The following CFAP221 variants were observed in gnomAD, a reference collection of about 807,000 sequenced individuals.
The protein encoded by CFAP221 is cilia and flagella associated protein 221, also known as cilia- and flagella-associated protein 221.
CFAP221 carries 97 observed loss-of-function variants against 113.1 expected under a neutral mutation model. The ratio of observed to expected loss-of-function variants is 0.86; its 90% confidence interval spans 0.73 to 1.02. The LOEUF (loss-of-function observed/expected upper bound fraction) is 1.02. CFAP221 is among the 50% of genes least tolerant of loss of function. The probability of loss-of-function intolerance (pLI) is 0.00; values close to 1 mark genes in which losing one functional copy is unlikely to be tolerated. For synonymous variants in CFAP221, 331 were observed against 354.4 expected, an observed-to-expected ratio of 0.93 and a Z score of 0.74; for missense variants, 1,025 against 1,013.4, an observed-to-expected ratio of 1.01 and a Z score of -0.16.
At chr2:119,642,314 T>C (rs1425306672) in intron 21 of CFAP221, among the ~76,000 whole-genome samples, 2 of 152,204 alleles carry the variant, frequency 1.3e-5, no homozygotes, top group Non-Finnish European at 2.9e-5. Flanking sequence ...GTAATTCCTT[T>C]TTTAAGTTCT....
At chr2:119,588,383 C>A (rs1683363230) in intron 7 of CFAP221, among the ~76,000 whole-genome samples, 1 of 152,146 alleles carries the variant, frequency 6.6e-6, no homozygotes, top group South Asian at 2.1e-4. Context: ...TTGAAATGAG[C>A]TGACATCAGT....
chr2:119,594,792 C>T (rs965017589), intron 7 of CFAP221, among the ~76,000 whole-genome samples: 1 of 152,184 alleles, frequency 6.6e-6, no homozygotes, highest in Non-Finnish European at 1.5e-5. Flanking sequence ...TCATTTAATA[C>T]CCCAGCAACT....
At chr2:119,599,411 A>G (rs529415001) in intron 7 of CFAP221, among the ~76,000 whole-genome samples, 3 of 152,284 alleles carry the variant, frequency 2.0e-5, no homozygotes, top group African/African-American at 7.2e-5. Context: ...GGGTTCATTC[A>G]CTCATTCAAC....
At chr2:119,616,441 T>A (rs1220411358) in intron 14 of CFAP221, among the ~76,000 whole-genome samples, 1 of 152,224 alleles carries the variant, frequency 6.6e-6, no homozygotes, top group East Asian at 1.9e-4. Context: ...CAATTGAGAA[T>A]GTCTGAGGGA....
intron 18 of CFAP221, 40 bp downstream of exon 18, chr2:119,630,717 C>T (rs1334661298): frequency 6.2e-7 from 1 of 1,604,478 alleles, no homozygotes; most frequent in African/African-American, 1.3e-5. Flanking sequence ...CTCATCTTTT[C>T]CCTCTTATCC....
chr2:119,616,647 C>T (rs372973580), intron 14 of CFAP221, among the ~76,000 whole-genome samples: 1 of 152,214 alleles, frequency 6.6e-6, no homozygotes, highest in South Asian at 2.1e-4. Context: ...CTAGCAGCCA[C>T]TGTCCTCTCG....
In CFAP221 at chr2:119,622,121, C is replaced by T. The variant is rs570185029; in HGVS notation, c.1411-3462C>T. ...TTAACAAAATAGATAGACTGCCAGC[C>T]GGACTAATATAGAAGAAAAGAGAGA... On this transcript the variant is annotated intron_variant, in intron 14 of 23. Transcript: ENST00000413369. Among the ~76,000 whole-genome samples the T allele has an allele frequency of 8.6e-5, 13 of 151,804 alleles. No individual in the cohort carries two copies. In the South Asian group the frequency reaches 1.7e-3, roughly 19 times the overall value.
At chr2:119,546,894 A>G (rs1424685362) in intron 2 of CFAP221, among the ~76,000 whole-genome samples, 2 of 152,204 alleles carry the variant, frequency 1.3e-5, no homozygotes, top group Non-Finnish European at 2.9e-5. Context: ...CATTTTGCCT[A>G]CATTTTTCCC....
intron 21 of CFAP221, among the ~76,000 whole-genome samples, chr2:119,646,723 C>T (rs1025599392): frequency 6.6e-6 from 1 of 152,174 alleles, no homozygotes; most frequent in African/African-American, 2.4e-5. Flanking sequence ...CTATGATTCT[C>T]TTTTTAAACT....
chr2:119,609,161 C>T (rs1684977200), intron 12 of CFAP221, among the ~76,000 whole-genome samples: 1 of 152,156 alleles, frequency 6.6e-6, no homozygotes, highest in Non-Finnish European at 1.5e-5. Context: ...CATGGCCTCA[C>T]CATGCTTTGA....
Position 119,582,707 on chromosome 2 carries a change from C to T in CFAP221, c.528-4412C>T, listed in dbSNP as rs549304561. Among the ~76,000 whole-genome samples the T allele has an allele frequency of 3.0e-4, 45 of 152,224 alleles. No individual in the cohort carries two copies. The South Asian group carries it at 3.5e-3, about 12-fold the overall frequency. ...CTAAGCTCAAGTGGTCTGCCCACCTCGGCCTCCCAAAGTGCTTGGATTACA... is the reference window on the plus strand; with the variant it reads ...CTAAGCTCAAGTGGTCTGCCCACCTTGGCCTCCCAAAGTGCTTGGATTACA... On this transcript the variant is annotated intron_variant, in intron 6 of 23. Transcript: ENST00000413369.
In CFAP221 at chr2:119,559,695, G is replaced by A. The variant is rs555779073; in HGVS notation, c.247G>A (p.Val83Ile). 1 of 1,527,786 alleles carries A rather than the reference G, an allele frequency of 6.5e-7. No individual in the cohort carries two copies. Among genetic ancestry groups the A allele is most frequent in the South Asian group, 1.2e-5 (1 of 83,850 alleles). The allele number at this position is 1,527,786 out of a possible 1,614,324, so 94.6% of individuals were successfully genotyped here. ...ACTTCTTTTTCTCTCCCAGCATCTG[G>A]TCAATGTTTCCAATGAAGACACACG... is the stretch of plus-strand genomic sequence containing the variant. ...EKQHQQILHLVNVSNEDTRVH... is the reference protein window; with the variant it reads ...EKQHQQILHLINVSNEDTRVH... The change falls in exon 4 of 24, where the codon GTC becomes ATC. Residue 83 changes from valine (V) to isoleucine (I), a missense_variant. Physicochemically the swap from Val to Ile is conservative, Grantham distance 29. Transcript: ENST00000413369.
chr2:119,588,838 A>G (rs1480590794), intron 7 of CFAP221, among the ~76,000 whole-genome samples: 5 of 152,206 alleles, frequency 3.3e-5, no homozygotes, highest in Non-Finnish European at 5.9e-5. Context: ...TGGGTGTTAT[A>G]CATTTGTACA....
chr2:119,601,375 A>C lies in CFAP221; in HGVS notation c.789A>C (p.Leu263Phe), dbSNP rs879091042. The C allele has an allele frequency of 3.3e-6, 5 of 1,514,824 alleles. No individual in the cohort carries two copies. The highest frequency in any genetic ancestry group is 4.4e-6 in the Non-Finnish European group (5 of 1,131,864). The allele number at this position is 1,514,824 out of a possible 1,614,324, so 93.8% of individuals were successfully genotyped here. The change falls in exon 8 of 24, where the codon TTA (leucine) becomes TTC (phenylalanine). Residue 263 changes from leucine to phenylalanine, a missense_variant and splice_region_variant. Coordinates refer to ENST00000413369, the MANE Select transcript of CFAP221 (RefSeq NM_001271049.2). ...GAACATGCTATCCCAACATGGCCTT[A>C]CCGTATGGCGTCTTTGCAGTGTTTT... ...FTGTCYPNMA[L>F]PLEEFERLNT... is the part of the protein sequence containing the mutation.
At chr2:119,596,010 G>A (rs1223284394) in intron 7 of CFAP221, among the ~76,000 whole-genome samples, 1 of 152,104 alleles carries the variant, frequency 6.6e-6, no homozygotes. Flanking sequence ...AGTGTGCAAG[G>A]CCTATTGGAG....
Position 119,602,732 on chromosome 2 carries a change from ACTG to A in CFAP221, c.791+1359_791+1361del. On this transcript the variant is annotated intron_variant, in intron 8 of 23. Coordinates refer to ENST00000413369, the MANE Select transcript of CFAP221 (RefSeq NM_001271049.2). ...AGTAGAACTGAACACAAATTTTAAA[ACTG>A]CTGATTTTTCTGGTGGCAAATAAGC... 3.0e-6 allele frequency: 3 copies of A among 985,392 alleles called. No homozygotes were observed. In the South Asian group the frequency reaches 1.4e-4, roughly 46 times the overall value. The allele number at this position is 985,392 out of a possible 1,614,324, so 61.0% of individuals were successfully genotyped here.
At chr2:119,614,238 A>C (rs1018545311) in intron 13 of CFAP221, among the ~76,000 whole-genome samples, 4 of 152,126 alleles carry the variant, frequency 2.6e-5, no homozygotes, top group Non-Finnish European at 5.9e-5. Flanking sequence ...GAAGCTCCAA[A>C]CTTTCCCACA....
Position 119,639,882 on chromosome 2 carries a change from G to T in CFAP221, c.2225+10G>T. The T allele has an allele frequency of 6.2e-7, 1 of 1,610,288 alleles. No individual in the cohort carries two copies. The highest frequency in any genetic ancestry group is 1.1e-5 in the South Asian group (1 of 90,958). On this transcript the variant is annotated intron_variant, in intron 21 of 23. Transcript: ENST00000413369. ...TGGAGACCACAAAGAGGTAAGCACAGCTCATCTGTTTGCTCACGAGTATGT... is the reference window on the plus strand; with the variant it reads ...TGGAGACCACAAAGAGGTAAGCACATCTCATCTGTTTGCTCACGAGTATGT...
intron 14 of CFAP221, among the ~76,000 whole-genome samples, chr2:119,624,130 G>A (rs891192240): frequency 5.3e-5 from 8 of 152,252 alleles, no homozygotes; most frequent in Non-Finnish European, 1.2e-4. Flanking sequence ...TTTGACAAAA[G>A]GCTAATATCC....
Sources: allele counts gnomAD v4.1 joint callset (sites outside exome capture counted in the v4.1 genomes callset), GRCh38; gene constraint gnomAD v4.1.1; transcripts MANE v1.5; gene names NCBI Gene and HGNC (gene_info 2026-07-23, HGNC 2026-07-21).